PTPRZ1: variants seen among roughly 807,000 people sequenced by gnomAD.
PTPRZ1 encodes the protein protein tyrosine phosphatase receptor type Z1, also known as receptor-type tyrosine-protein phosphatase zeta.
Under a neutral mutation model 214.1 loss-of-function variants are expected in PTPRZ1, and 82 were observed. That is an observed-to-expected ratio of 0.38 (90% CI 0.32 to 0.46). PTPRZ1 has a LOEUF of 0.46. Among genes scored for constraint, PTPRZ1 ranks in the 20% least tolerant of loss-of-function variants. PTPRZ1 has a pLI of 1.00. For synonymous variants in PTPRZ1, 945 were observed against 987.9 expected, an observed-to-expected ratio of 0.96 and a Z score of 0.81; for missense variants, 2,603 against 2,748.7, an observed-to-expected ratio of 0.95 and a Z score of 1.19.
chr7:121,873,890 C>A (rs1793966775), intron 1 of PTPRZ1, among the ~76,000 whole-genome samples: 1 of 152,162 alleles, frequency 6.6e-6, no homozygotes, highest in Non-Finnish European at 1.5e-5. Flanking sequence ...GTGTAGAAAT[C>A]GCCTTTTAGA....
chr7:122,013,259 A>C lies in PTPRZ1; in HGVS notation c.4213A>C (p.Ser1405Arg). Reference sequence around the variant, plus strand: ...TAAGGCAACTTCTGAGCTGAGTCATAGTGCCAAATCTGATGCCGGTTTAGT... The same window carrying C: ...TAAGGCAACTTCTGAGCTGAGTCATCGTGCCAAATCTGATGCCGGTTTAGT... ...PSKATSELSH[S>R]AKSDAGLVGG... The change falls in exon 12 of 30, where the codon AGT becomes CGT. Residue 1405 changes from serine (S) to arginine (R), a missense_variant. By Grantham distance (110) the Ser-to-Arg change is moderately radical. Transcript: ENST00000393386. The C allele has an allele frequency of 6.2e-7, 1 of 1,614,182 alleles. No individual in the cohort carries two copies. The highest frequency in any genetic ancestry group is 8.5e-7 in the Non-Finnish European group (1 of 1,180,022).
chr7:121,994,058 T>C (rs1798055857), intron 8 of PTPRZ1, among the ~76,000 whole-genome samples: 1 of 152,098 alleles, frequency 6.6e-6, no homozygotes, highest in African/African-American at 2.4e-5. Flanking sequence ...TGAAAACTTA[T>C]GGGCAAGAAA....
chr7:121,973,897 G>T (rs919044409), intron 4 of PTPRZ1, among the ~76,000 whole-genome samples: 2 of 125,074 alleles, frequency 1.6e-5, no homozygotes, highest in African/African-American at 6.2e-5. Context: ...TCACACCACT[G>T]CACTCCAGAC....
chr7:122,020,599 A>G (rs1181955898), intron 13 of PTPRZ1, among the ~76,000 whole-genome samples: 1 of 152,186 alleles, frequency 6.6e-6, no homozygotes, highest in African/African-American at 2.4e-5. Flanking sequence ...GCATGTATTA[A>G]TAGTTGCATG....
chr7:121,884,188 G>C (rs1229560973), intron 1 of PTPRZ1, among the ~76,000 whole-genome samples: 1 of 152,010 alleles, frequency 6.6e-6, no homozygotes, highest in Non-Finnish European at 1.5e-5. Flanking sequence ...GAAGTATTTG[G>C]TTACTGTAAA....
intron 1 of PTPRZ1, among the ~76,000 whole-genome samples, chr7:121,920,066 A>G (rs889824148): frequency 1.3e-5 from 2 of 152,118 alleles, no homozygotes; most frequent in African/African-American, 4.8e-5. Flanking sequence ...TTTTATATTA[A>G]AAATAGTTCA....
chr7:121,954,297 C>T (rs150556203), intron 2 of PTPRZ1, among the ~76,000 whole-genome samples: 277 of 152,276 alleles, frequency 1.8e-3, no homozygotes, highest in African/African-American at 6.2e-3. Flanking sequence ...AGCCCTTGTT[C>T]TGGCATGCAA....
At chr7:121,941,855 A>G (rs575546987) in intron 2 of PTPRZ1, among the ~76,000 whole-genome samples, 3 of 152,324 alleles carry the variant, frequency 2.0e-5, no homozygotes, top group African/African-American at 7.2e-5. Flanking sequence ...GATAATAAAT[A>G]GTAATTAGTG....
At chr7:121,914,271 G>C (rs1213317922) in intron 1 of PTPRZ1, among the ~76,000 whole-genome samples, 1 of 152,160 alleles carries the variant, frequency 6.6e-6, no homozygotes, top group African/African-American at 2.4e-5. Flanking sequence ...ATGATTACTT[G>C]ATATTTTCTG....
chr7:121,952,625 C>A (rs894624354), intron 2 of PTPRZ1, among the ~76,000 whole-genome samples: 8 of 152,158 alleles, frequency 5.3e-5, no homozygotes, highest in Non-Finnish European at 1.2e-4. Flanking sequence ...TTTGAAGAAT[C>A]AATTTATTAA....
At chr7:121,980,402 A>T (rs142887977) in intron 6 of PTPRZ1, among the ~76,000 whole-genome samples, 2,588 of 152,332 alleles carry the variant, frequency 0.017, 36 homozygotes, top group Non-Finnish European at 0.029. Context: ...ATTAAAAAAA[A>T]ATATTCTTCT....
chr7:121,929,083 T>C (rs1335863732), intron 2 of PTPRZ1, among the ~76,000 whole-genome samples: 1 of 152,242 alleles, frequency 6.6e-6, no homozygotes, highest in Non-Finnish European at 1.5e-5. Context: ...ATTTTCTTTC[T>C]TCTTTTTAAT....
intron 1 of PTPRZ1, among the ~76,000 whole-genome samples, chr7:121,918,173 C>T (rs1795482426): frequency 6.6e-6 from 1 of 152,170 alleles, no homozygotes; most frequent in Admixed American, 6.6e-5. Context: ...CTGACAGCAA[C>T]TTAACATGAC....
At chr7:121,953,353 A>G (rs1282656724) in intron 2 of PTPRZ1, among the ~76,000 whole-genome samples, 1 of 152,218 alleles carries the variant, frequency 6.6e-6, no homozygotes, top group Non-Finnish European at 1.5e-5. Context: ...ACTTGGTTTG[A>G]AAAGACAATG....
chr7:121,875,682 A>T (rs1301081812), intron 1 of PTPRZ1, among the ~76,000 whole-genome samples: 2 of 152,244 alleles, frequency 1.3e-5, no homozygotes, highest in African/African-American at 4.8e-5. Flanking sequence ...CACCATTTTA[A>T]CAAAGTTGGC....
chr7:121,900,083 A>G (rs969335432), intron 1 of PTPRZ1, among the ~76,000 whole-genome samples: 1 of 152,284 alleles, frequency 6.6e-6, no homozygotes, highest in South Asian at 2.1e-4. Flanking sequence ...GAGAATAGGT[A>G]TTGAAACCTG....
At chr7:121,876,282 A>C (rs959371255) in intron 1 of PTPRZ1, among the ~76,000 whole-genome samples, 1 of 152,212 alleles carries the variant, frequency 6.6e-6, no homozygotes, top group Non-Finnish European at 1.5e-5. Flanking sequence ...AGGCTTAACT[A>C]TGAGTCATAG....
In PTPRZ1 at chr7:121,983,620, T is replaced by A. The variant is rs764758161; in HGVS notation, c.620-45T>A. On this transcript the variant is annotated intron_variant, in intron 6 of 29. Coordinates refer to ENST00000393386, the MANE Select transcript of PTPRZ1 (RefSeq NM_002851.3). ...TCATAGAAGTTTTGAACAGCTAAGT[T>A]CCAGTGTTGAGATTCCAGCTGAGAT... 3 of 1,541,936 alleles carry A rather than the reference T, an allele frequency of 1.9e-6. No homozygotes were observed. The South Asian group carries it at 3.7e-5, about 19-fold the overall frequency.
At chr7:122,035,796 A>G (rs1369411915) in intron 17 of PTPRZ1, among the ~76,000 whole-genome samples, 1 of 152,216 alleles carries the variant, frequency 6.6e-6, no homozygotes, top group Non-Finnish European at 1.5e-5. Context: ...TGAAAAGAAT[A>G]ATCTTCTCAG....
Sources: allele counts gnomAD v4.1 joint callset (sites outside exome capture counted in the v4.1 genomes callset), GRCh38; gene constraint gnomAD v4.1.1; transcripts MANE v1.5; gene names NCBI Gene and HGNC (gene_info 2026-07-23, HGNC 2026-07-21).